INPP5K: variants seen among roughly 807,000 people sequenced by gnomAD.
The protein encoded by INPP5K is inositol polyphosphate-5-phosphatase K.
INPP5K carries 35 observed loss-of-function variants against 53.5 expected under a neutral mutation model. That is an observed-to-expected ratio of 0.65 (90% CI 0.50 to 0.87). The LOEUF is 0.87. INPP5K is among the 40% of genes least tolerant of loss of function. INPP5K has a pLI of 0.00. For missense variants in INPP5K, 550 were observed against 586.2 expected (o/e 0.94, Z 0.64); for synonymous variants, 253 against 232.8 (o/e 1.09, Z -0.79).
chr17:1,502,193 C>A (rs549431487), intron 7 of INPP5K, among the ~76,000 whole-genome samples: 1 of 150,372 alleles, frequency 6.7e-6, no homozygotes, highest in Admixed American at 6.6e-5. Context: ...ACTAAAAATA[C>A]AAAAAATTAG....
At chr17:1,504,374 A>G (rs1007215986) in intron 7 of INPP5K, among the ~76,000 whole-genome samples, 2 of 152,238 alleles carry the variant, frequency 1.3e-5, no homozygotes, top group African/African-American at 4.8e-5. Flanking sequence ...GTTTCCAAGG[A>G]TAAAATAACA....
intron 3 of INPP5K, among the ~76,000 whole-genome samples, chr17:1,511,156 G>A (rs2075298081): frequency 6.6e-6 from 1 of 152,194 alleles, no homozygotes; most frequent in African/African-American, 2.4e-5. Flanking sequence ...AGGCTAGGGA[G>A]AATAGCTAAC....
At chr17:1,516,102 A>C in intron 1 of INPP5K, 1 of 1,185,196 alleles carries the variant, frequency 8.4e-7, no homozygotes, top group Non-Finnish European at 1.0e-6. Context: ...GATCAGGCAG[A>C]CCTCCTGATG....
intron 8 of INPP5K, 53 bp downstream of exon 8, chr17:1,497,883 T>A: frequency 6.8e-7 from 1 of 1,479,992 alleles, no homozygotes; most frequent in Non-Finnish European, 9.3e-7. Context: ...GGCTTGGGGA[T>A]GTGGCCAGCA....
intron 7 of INPP5K, among the ~76,000 whole-genome samples, chr17:1,502,314 A>C (rs1280294359): frequency 6.6e-6 from 1 of 152,080 alleles, no homozygotes; most frequent in East Asian, 1.9e-4. Context: ...GCGCCACTGC[A>C]CTCCAGCCTG....
At chr17:1,503,976 C>T (rs1054433631) in intron 7 of INPP5K, among the ~76,000 whole-genome samples, 3 of 152,184 alleles carry the variant, frequency 2.0e-5, no homozygotes, top group Admixed American at 2.0e-4. Context: ...TTGGAAAGCC[C>T]GCCTTTCTGC....
At chr17:1,503,121 AGT>A (rs1365763641) in intron 7 of INPP5K, among the ~76,000 whole-genome samples, 2 of 151,366 alleles carry the variant, frequency 1.3e-5, no homozygotes, top group East Asian at 3.9e-4. Context: ...CCTGGGTTCA[AGT>A]GATCATCCTG....
chr17:1,512,449 T>C (rs951876551), intron 3 of INPP5K, among the ~76,000 whole-genome samples: 2 of 152,222 alleles, frequency 1.3e-5, no homozygotes, highest in Middle Eastern at 3.4e-3. Flanking sequence ...TCCTCCCCAT[T>C]CTGCTCCCCC....
chr17:1,495,392 C>G lies in INPP5K; in HGVS notation c.*431G>C, dbSNP rs1401770630. 1 of 163,144 alleles carries G rather than the reference C, an allele frequency of 6.1e-6. No individual in the cohort carries two copies. The highest frequency in any genetic ancestry group is 6.3e-5 in the Admixed American group (1 of 15,978). 10.1% of individuals were successfully genotyped at this position (163,144 alleles called of 1,614,324 possible). The stretch of plus-strand genomic sequence containing the variant: ...CTCCTGGAATCCAGCACTGCTTGCA[C>G]CAGTCTATGTAGCCTGTACAAATGT... On this transcript the variant is annotated 3_prime_UTR_variant, in exon 12 of 12. Coordinates refer to ENST00000421807, the MANE Select transcript of INPP5K (RefSeq NM_016532.4).
chr17:1,507,882 G>A (rs1440684496), intron 6 of INPP5K, among the ~76,000 whole-genome samples: 1 of 151,994 alleles, frequency 6.6e-6, no homozygotes, highest in Non-Finnish European at 1.5e-5. Context: ...TTCATGCTTT[G>A]TATCTGACTC....
At chr17:1,516,426 G>A (rs1221743480) in intron 1 of INPP5K, 30 bp downstream of exon 1, 1 of 1,582,514 alleles carries the variant, frequency 6.3e-7, no homozygotes, top group Non-Finnish European at 8.5e-7. Flanking sequence ...CCCCCGAGCA[G>A]GCCTGCCTCT....
At chr17:1,498,470 C>CT (rs2074920637) in intron 7 of INPP5K, among the ~76,000 whole-genome samples, 1 of 152,178 alleles carries the variant, frequency 6.6e-6, no homozygotes, top group African/African-American at 2.4e-5. Context: ...GATTCTGAGG[C>CT]TGGACACACC....
chr17:1,511,068 T>C (rs1208528223), intron 3 of INPP5K, among the ~76,000 whole-genome samples: 2 of 151,928 alleles, frequency 1.3e-5, no homozygotes, highest in Non-Finnish European at 2.9e-5. Context: ...CCAAACCCCA[T>C]AACTATATAC....
At chr17:1,506,883 G>A (rs1327478219) in intron 7 of INPP5K, 97 bp downstream of exon 7, 8 of 821,092 alleles carry the variant, frequency 9.7e-6, no homozygotes, top group Non-Finnish European at 1.6e-5. Flanking sequence ...ACCAATTCCT[G>A]CCCCCCCTAA....
intron 11 of INPP5K, 50 bp from the exon 12 acceptor site, chr17:1,495,929 G>T (rs2074820805): frequency 6.6e-7 from 1 of 1,514,750 alleles, no homozygotes; most frequent in Non-Finnish European, 9.2e-7. Context: ...CTTCCTCCGT[G>T]CTTTCCATCA....
At chr17:1,496,841 C>T in intron 8 of INPP5K, 38 bp from the exon 9 acceptor site, 1 of 1,604,810 alleles carries the variant, frequency 6.2e-7, no homozygotes, top group Non-Finnish European at 8.5e-7. Flanking sequence ...AATCTCGCAG[C>T]ATCATTCCCT....
intron 7 of INPP5K, among the ~76,000 whole-genome samples, chr17:1,500,653 C>T (rs139949135): frequency 0.029 from 4,378 of 152,198 alleles, 228 homozygotes; most frequent in African/African-American, 0.099. Context: ...CGTGAGCCAC[C>T]GCGCCCGGCC....
Position 1,495,714 on chromosome 17 carries a change from T to G in INPP5K, c.*109A>C. 3 of 737,278 alleles carry G rather than the reference T, an allele frequency of 4.1e-6. No individual in the cohort carries two copies. Among genetic ancestry groups the G allele is most frequent in the Non-Finnish European group, 7.0e-6 (3 of 427,592 alleles). The allele number at this position is 737,278 out of a possible 1,614,324, so 45.7% of individuals were successfully genotyped here. A position where few individuals can be genotyped will look rare whatever the true frequency, so the allele number is the denominator to read the frequency against. On this transcript the variant is annotated 3_prime_UTR_variant, in exon 12 of 12. Coordinates refer to ENST00000421807, the MANE Select transcript of INPP5K (RefSeq NM_016532.4). ...TCTGGGAGGAGTATGTGGACGACAC[T>G]TGGCTGTCTCTTCAGGGGGCCAGGC...
intron 6 of INPP5K, 142 bp downstream of exon 6, chr17:1,507,973 C>A: frequency 1.4e-6 from 1 of 692,920 alleles, no homozygotes; most frequent in Non-Finnish European, 2.6e-6. Context: ...CCCCTGGATG[C>A]GAAGCCCTGC....
Sources: gnomAD v4.1 joint callset for allele counts (sites outside exome capture counted in the v4.1 genomes callset) on GRCh38, gnomAD v4.1.1 for gene constraint, MANE v1.5 for transcripts, NCBI Gene and HGNC (gene_info 2026-07-23, HGNC 2026-07-21) for gene names.